Variants in KCNMB2 observed in about 807,000 individuals in gnomAD.
The protein encoded by KCNMB2 is potassium calcium-activated channel subfamily M regulatory beta subunit 2, also known as calcium-activated potassium channel subunit beta-2.
In KCNMB2, 9 loss-of-function variants were observed where a neutral mutation model predicts 24.5. The ratio of observed to expected loss-of-function variants is 0.37; its 90% CI spans 0.22 to 0.64. KCNMB2 has a LOEUF of 0.64. Ranked by LOEUF, KCNMB2 falls within the 30% of genes least tolerant of loss-of-function variation. The pLI is 0.63. For synonymous variants in KCNMB2, 109 were observed against 104.4 expected (o/e 1.04, Z -0.27); for missense variants, 226 against 284.3 (o/e 0.79, Z 1.47).
chr3:178,832,296 A>T, intron 4 of KCNMB2, among the ~76,000 whole-genome samples: 1 of 152,120 alleles, frequency 6.6e-6, no homozygotes, highest in African/African-American at 2.4e-5. Flanking sequence ...GTTACTATTC[A>T]GAAATCAGCC....
chr3:178,617,799 G>A (rs987781976), intron 1 of KCNMB2, among the ~76,000 whole-genome samples: 2 of 150,534 alleles, frequency 1.3e-5, no homozygotes, highest in Admixed American at 1.3e-4. Flanking sequence ...CCTGAGGCAG[G>A]AGAATCGCTT....
intron 1 of KCNMB2, among the ~76,000 whole-genome samples, chr3:178,726,018 C>G (rs1385690048): frequency 6.6e-6 from 1 of 151,364 alleles, no homozygotes; most frequent in African/African-American, 2.4e-5. Flanking sequence ...TATTCCTTGA[C>G]TTTTTTGGAT....
intron 1 of KCNMB2, among the ~76,000 whole-genome samples, chr3:178,625,837 C>T (rs1025662508): frequency 6.6e-6 from 1 of 152,150 alleles, no homozygotes; most frequent in Admixed American, 6.5e-5. Flanking sequence ...TCAGGGGTCA[C>T]GTGTTCGTGT....
chr3:178,825,982 T>G (rs970280786), intron 3 of KCNMB2, among the ~76,000 whole-genome samples: 2 of 152,170 alleles, frequency 1.3e-5, no homozygotes, highest in African/African-American at 4.8e-5. Context: ...CTTCTTTAAT[T>G]ATCACAATTA....
chr3:178,694,370 C>CCT (rs1182933461), intron 1 of KCNMB2, among the ~76,000 whole-genome samples: 1 of 152,160 alleles, frequency 6.6e-6, no homozygotes, highest in African/African-American at 2.4e-5. Flanking sequence ...CCCCTCCTGT[C>CCT]CTCTCCCAAT....
intron 1 of KCNMB2, among the ~76,000 whole-genome samples, chr3:178,699,655 C>T (rs1427958725): frequency 2.0e-5 from 3 of 152,218 alleles, no homozygotes; most frequent in Admixed American, 1.3e-4. Flanking sequence ...AGTCCAACCC[C>T]GTCTGATGTC....
At chr3:178,677,437 G>A (rs1265231798) in intron 1 of KCNMB2, among the ~76,000 whole-genome samples, 1 of 152,190 alleles carries the variant, frequency 6.6e-6, no homozygotes, top group African/African-American at 2.4e-5. Context: ...GCCTGGGCAC[G>A]TGGGAAGTCC....
At position 178,641,672 on chromosome 3, in the gene KCNMB2, T is replaced by C. The variant is rs189629790; in HGVS notation, c.-68+104961T>C. Among the ~76,000 whole-genome samples the C allele has an allele frequency of 1.4e-4, 22 of 152,242 alleles. No individual in the cohort carries two copies. In the East Asian group the frequency reaches 4.2e-3, roughly 29 times the overall value. ...TGCATTTTATTTCTTGTTTTTACCT[T>C]ACTGCAGTAGTTAGGACTTTTGGTA... On this transcript the variant is annotated intron_variant, in intron 1 of 4. Transcript: ENST00000452583.
chr3:178,635,230 C>T (rs1719474660), intron 1 of KCNMB2, among the ~76,000 whole-genome samples: 1 of 152,078 alleles, frequency 6.6e-6, no homozygotes, highest in African/African-American at 2.4e-5. Context: ...TACCAACCTG[C>T]TTGAACTAAG....
At chr3:178,634,272 TG>T (rs1719432370) in intron 1 of KCNMB2, among the ~76,000 whole-genome samples, 1 of 152,108 alleles carries the variant, frequency 6.6e-6, no homozygotes, top group African/African-American at 2.4e-5. Context: ...CTCCACTCTC[TG>T]CAGTCCCAAT....
intron 1 of KCNMB2, among the ~76,000 whole-genome samples, chr3:178,700,033 T>C (rs1722032759): frequency 6.6e-6 from 1 of 152,204 alleles, no homozygotes; most frequent in South Asian, 2.1e-4. Flanking sequence ...CCTCTGAAGA[T>C]CTGAAAGTTC....
chr3:178,822,276 T>C (rs1714661907), intron 2 of KCNMB2, among the ~76,000 whole-genome samples: 1 of 152,260 alleles, frequency 6.6e-6, no homozygotes, highest in Non-Finnish European at 1.5e-5. Flanking sequence ...TTTGGTTAAC[T>C]CTGATTCAAT....
chr3:178,644,945 G>T (rs2108552652), intron 1 of KCNMB2, among the ~76,000 whole-genome samples: 1 of 152,048 alleles, frequency 6.6e-6, no homozygotes, highest in South Asian at 2.1e-4. Flanking sequence ...ATATGAAAAT[G>T]CCTTTCAAGG....
chr3:178,548,447 G>C (rs973598151), intron 1 of KCNMB2, among the ~76,000 whole-genome samples: 6 of 152,118 alleles, frequency 3.9e-5, no homozygotes, highest in Non-Finnish European at 8.8e-5. Flanking sequence ...ATTTTTGATG[G>C]CCAGGTGAAT....
chr3:178,676,594 C>T (rs1379723068), intron 1 of KCNMB2, among the ~76,000 whole-genome samples: 3 of 152,156 alleles, frequency 2.0e-5, no homozygotes, highest in Non-Finnish European at 4.4e-5. Context: ...GCCACTGAGC[C>T]CTAAGCTTGA....
At chr3:178,624,647 T>C (rs1719044684) in intron 1 of KCNMB2, among the ~76,000 whole-genome samples, 1 of 151,634 alleles carries the variant, frequency 6.6e-6, no homozygotes, top group South Asian at 2.1e-4. Context: ...CCTCATCAGT[T>C]TCACTTATAT....
At chr3:178,605,943 C>T (rs1718255267) in intron 1 of KCNMB2, among the ~76,000 whole-genome samples, 3 of 152,058 alleles carry the variant, frequency 2.0e-5, no homozygotes, top group Admixed American at 1.3e-4. Context: ...TGCAGCCATC[C>T]ATATTGCAAA....
At chr3:178,630,992 A>T (rs538397704) in intron 1 of KCNMB2, among the ~76,000 whole-genome samples, 90 of 152,188 alleles carry the variant, frequency 5.9e-4, no homozygotes, top group Non-Finnish European at 1.1e-3. Flanking sequence ...AGTTTCGAAT[A>T]TGTTAGGCAT....
intron 1 of KCNMB2, among the ~76,000 whole-genome samples, chr3:178,563,661 T>C (rs1322878401): frequency 2.0e-5 from 3 of 151,934 alleles, no homozygotes; most frequent in Non-Finnish European, 4.4e-5. Context: ...CCAGGAAAAA[T>C]GAAGTATGGG....
Sources: gnomAD v4.1 joint callset for allele counts (sites outside exome capture counted in the v4.1 genomes callset) on GRCh38, gnomAD v4.1.1 for gene constraint, MANE v1.5 for transcripts, NCBI Gene and HGNC (gene_info 2026-07-23, HGNC 2026-07-21) for gene names.